The following HMCN1 variants were observed in gnomAD, a reference collection of about 807,000 sequenced individuals.
The protein encoded by HMCN1 is hemicentin 1, also known as hemicentin-1.
A neutral mutation model predicts 625.9 loss-of-function variants in HMCN1; 321 were observed. The observed-to-expected ratio is 0.51, with a 90% CI of 0.47 to 0.56. The LOEUF is 0.56. HMCN1 is among the 20% of genes least tolerant of loss of function. The pLI, the probability that HMCN1 is intolerant of heterozygous loss-of-function variation, is 0.00. For synonymous variants in HMCN1, 2,425 were observed against 2,417.6 expected (o/e 1.00, Z -0.09); for missense variants, 6,588 against 6,887.3 (o/e 0.96, Z 1.54).
At chr1:186,166,411 C>G in intron 99 of HMCN1, 108 bp downstream of exon 99, 2 of 1,372,238 alleles carry the variant, frequency 1.5e-6, no homozygotes, top group South Asian at 2.4e-5. Context: ...TCTGCCCACA[C>G]CTTGGCAACA....
At chr1:185,792,140 G>C (rs539224734) in intron 1 of HMCN1, among the ~76,000 whole-genome samples, 7 of 152,272 alleles carry the variant, frequency 4.6e-5, no homozygotes, top group African/African-American at 1.7e-4. Context: ...CATTTTAGAA[G>C]GATAACTCTG....
chr1:185,748,260 C>G (rs1654560076), intron 1 of HMCN1, among the ~76,000 whole-genome samples: 1 of 151,880 alleles, frequency 6.6e-6, no homozygotes, highest in South Asian at 2.1e-4. Context: ...TTTCATATTC[C>G]CCAGAGGGTC....
At chr1:185,879,012 C>A (rs141440390) in intron 4 of HMCN1, among the ~76,000 whole-genome samples, 60 of 152,326 alleles carry the variant, frequency 3.9e-4, no homozygotes, top group African/African-American at 1.3e-3. Context: ...TAGCACACTT[C>A]TTGCAGTTAT....
intron 1 of HMCN1, among the ~76,000 whole-genome samples, chr1:185,837,517 G>A (rs1018624301): frequency 2.6e-5 from 4 of 151,772 alleles, no homozygotes; most frequent in African/African-American, 9.7e-5. Context: ...AAAAATTTAT[G>A]TATTTCAGAT....
In HMCN1 at chr1:186,130,662, C is replaced by T; in HGVS notation, c.13195C>T (p.Leu4399=). The stretch of plus-strand genomic sequence containing the variant: ...TGAAATTAGCCACAGAATCCGGCAA[C>T]TGGGCAATGGCTCCCTGGCCATCTA... ...DIEISHRIRQ[L]GNGSLAIYGT... Residue 4399 remains leucine (L), a synonymous_variant, in exon 85 of 107, where the codon CTG becomes TTG. Transcript: ENST00000271588. 6.2e-7 allele frequency: 1 copy of T among 1,613,236 alleles called. No individual in the cohort carries two copies. The highest frequency in any genetic ancestry group is 8.5e-7 in the Non-Finnish European group (1 of 1,179,590).
In HMCN1 at chr1:186,119,994, T is replaced by G; in HGVS notation, c.12095-17T>G. The stretch of plus-strand genomic sequence containing the variant: ...GCTTTTTTTTTTCCCCACTCTGCTT[T>G]TGTAACTATGTTGTAGGCAGAAACC... On this transcript the variant is annotated splice_polypyrimidine_tract_variant and intron_variant, in intron 79 of 106. Transcript: ENST00000271588. The G allele has an allele frequency of 6.2e-7, 1 of 1,614,048 alleles. No homozygotes were observed. The highest frequency in any genetic ancestry group is 8.5e-7 in the Non-Finnish European group (1 of 1,179,950).
chr1:185,932,158 A>G (rs1667583047), intron 10 of HMCN1, among the ~76,000 whole-genome samples: 1 of 152,162 alleles, frequency 6.6e-6, no homozygotes, highest in Admixed American at 6.6e-5. Context: ...ATTCTTTCCA[A>G]TGGATTCACT....
chr1:185,985,028 T>C (rs1651916203), intron 19 of HMCN1, among the ~76,000 whole-genome samples: 1 of 152,224 alleles, frequency 6.6e-6, no homozygotes, highest in Non-Finnish European at 1.5e-5. Context: ...AAAATACTTA[T>C]TTTTAGTAGT....
rs911574619 is a variant in HMCN1, at chr1:185,997,908, A to G, written c.3874+384A>G. 6.6e-5 allele frequency among the ~76,000 whole-genome samples: 10 copies of G among 151,546 alleles called. No homozygotes were observed. The East Asian group carries it at 1.9e-3, about 29-fold the overall frequency. On this transcript the variant is annotated intron_variant, in intron 25 of 106. Coordinates refer to ENST00000271588, the MANE Select transcript of HMCN1 (RefSeq NM_031935.3). Reference sequence around the variant, plus strand: ...TCAACCAGGCAGAGGTATAATTAGGACTATTCCTTTGTTTGTTCTGGACAC... The same window carrying G: ...TCAACCAGGCAGAGGTATAATTAGGGCTATTCCTTTGTTTGTTCTGGACAC...
intron 1 of HMCN1, among the ~76,000 whole-genome samples, chr1:185,779,100 T>C (rs1292181864): frequency 2.0e-5 from 3 of 152,262 alleles, no homozygotes; most frequent in Admixed American, 1.3e-4. Context: ...TGGCCAGTGA[T>C]GATGAGCATT....
intron 1 of HMCN1, among the ~76,000 whole-genome samples, chr1:185,813,604 T>C (rs984172495): frequency 2.6e-5 from 4 of 152,118 alleles, no homozygotes; most frequent in African/African-American, 9.7e-5. Context: ...CTGAATAACA[T>C]GGCCTCTTTA....
At chr1:185,850,393 C>T (rs1662089032) in intron 2 of HMCN1, among the ~76,000 whole-genome samples, 1 of 151,858 alleles carries the variant, frequency 6.6e-6, no homozygotes, top group Non-Finnish European at 1.5e-5. Context: ...TTTTTTCCTC[C>T]GTGACAATAC....
intron 1 of HMCN1, among the ~76,000 whole-genome samples, chr1:185,759,544 G>T (rs1655351437): frequency 6.6e-6 from 1 of 152,100 alleles, no homozygotes; most frequent in Non-Finnish European, 1.5e-5. Flanking sequence ...AGTGTGTGAA[G>T]AACAAAATTG....
Position 186,114,780 on chromosome 1 carries a change from G to A in HMCN1, c.11277-39G>A. 1.9e-6 allele frequency: 3 copies of A among 1,612,628 alleles called. 1 individual carries two copies. The highest frequency in any genetic ancestry group is 2.5e-6 in the Non-Finnish European group (3 of 1,178,958). On this transcript the variant is annotated intron_variant, in intron 73 of 106. Transcript: ENST00000271588. ...AGTCAAAATATGAACAATCAAAAAA[G>A]GCTGATTCAGAAGACTTCACTTGTG...
intron 104 of HMCN1, among the ~76,000 whole-genome samples, chr1:186,180,388 A>G (rs1310928429): frequency 1.3e-5 from 2 of 152,176 alleles, no homozygotes; most frequent in East Asian, 3.8e-4. Flanking sequence ...ATTTTAGACA[A>G]GCACTTTCTT....
rs189242112 is a variant in HMCN1, at chr1:186,003,763, T to G, written c.4394T>G (p.Val1465Gly). 36 of 1,613,242 alleles carry G rather than the reference T, an allele frequency of 2.2e-5. No individual in the cohort carries two copies. In the East Asian group the frequency reaches 7.8e-4, roughly 35 times the overall value. ...ACCAACTTCCCAAATGAAGTCTCAG[T>G]TGTCCTCAACCGTGACGTCGCCCTT... Reference protein sequence around the residue: ...IGTNFPNEVSVVLNRDVALEC... With the variant: ...IGTNFPNEVSGVLNRDVALEC... Residue 1465 changes from valine to glycine, a missense_variant, in exon 29 of 107, where the codon GTT becomes GGT. By Grantham distance (109) the Val-to-Gly change is moderately radical. Around this residue, in one of 3 missense-constraint regions of HMCN1, gnomAD observed 4,628 missense variants for 4,853.1 expected, o/e 0.95. Coordinates refer to ENST00000271588, the MANE Select transcript of HMCN1 (RefSeq NM_031935.3).
rs1444676447 is a variant in HMCN1, at chr1:185,820,705, G to A, written c.269-25321G>A. Among the ~76,000 whole-genome samples, 4 of 152,110 alleles carry A rather than the reference G, an allele frequency of 2.6e-5. No homozygotes were observed. The East Asian group carries it at 7.7e-4, about 29-fold the overall frequency. Reference sequence around the variant, plus strand: ...AGAGGATTGGTATGATTAAAATCAAGCTGAAGGCCATTCGCTAAAAGCATC... The same window carrying A: ...AGAGGATTGGTATGATTAAAATCAAACTGAAGGCCATTCGCTAAAAGCATC... On this transcript the variant is annotated intron_variant, in intron 1 of 106. Coordinates refer to ENST00000271588, the MANE Select transcript of HMCN1 (RefSeq NM_031935.3).
At chr1:186,077,417 T>C (rs1658891794) in intron 54 of HMCN1, among the ~76,000 whole-genome samples, 1 of 152,156 alleles carries the variant, frequency 6.6e-6, no homozygotes, top group African/African-American at 2.4e-5. Flanking sequence ...TTAATCATTG[T>C]AACACGGTTA....
chr1:186,106,974 G>T lies in HMCN1; in HGVS notation c.10852+9G>T. 6.4e-7 allele frequency: 1 copy of T among 1,562,880 alleles called. No individual in the cohort carries two copies. ...TCTAGTGAGAGTGCATGGTAAATTT[G>T]ACAAAATATCCTACAGTCTATCATA... On this transcript the variant is annotated intron_variant, in intron 70 of 106. Coordinates refer to ENST00000271588, the MANE Select transcript of HMCN1 (RefSeq NM_031935.3).
Sources: allele counts gnomAD v4.1 joint callset (sites outside exome capture counted in the v4.1 genomes callset), GRCh38; gene constraint gnomAD v4.1.1; regional missense constraint gnomAD v4.1.1; transcripts MANE v1.5; gene names NCBI Gene and HGNC (gene_info 2026-07-23, HGNC 2026-07-21).